The following COL21A1 variants were observed in gnomAD, a reference collection of about 807,000 sequenced individuals.
The protein encoded by COL21A1 is collagen type XXI alpha 1 chain.
Under a neutral mutation model 137.9 loss-of-function variants are expected in COL21A1, and 149 were observed. That is an observed-to-expected ratio of 1.08 (90% CI 0.95 to 1.24). The LOEUF (loss-of-function observed/expected upper bound fraction) is 1.24. Among genes scored for constraint, COL21A1 ranks in the 50% most tolerant of loss-of-function variants. The pLI, the probability that COL21A1 is intolerant of heterozygous loss-of-function variation, is 0.00. For synonymous variants in COL21A1, 456 were observed against 391.5 expected (o/e 1.16, Z -1.95); for missense variants, 1,167 against 1,158.4 (o/e 1.01, Z -0.11).
chr6:56,164,792 G>T (rs766116774), intron 8 of COL21A1, 22 bp downstream of exon 8: 11 of 1,559,284 alleles, frequency 7.1e-6, no homozygotes, highest in East Asian at 2.3e-5. Flanking sequence ...ACCTTAAGGG[G>T]AACAATAGTA....
rs111631199 is a variant in COL21A1, at chr6:56,352,783, T to C, written c.-39+41188A>G. Among the ~76,000 whole-genome samples, 1,321 of 152,258 alleles carry C rather than the reference T, an allele frequency of 8.7e-3. 20 individuals are homozygous for C. The highest frequency in any genetic ancestry group is 0.03 in the African/African-American group (1,259 of 41,540). On this transcript the variant is annotated intron_variant, in intron 1 of 28. Coordinates refer to the COL21A1 transcript ENST00000370819. The stretch of plus-strand genomic sequence containing the variant: ...GGCCAGGTGCAGTGGTTCACACCTG[T>C]AATCCCAGCACTTTGGGAGGCCAAG...
intron 1 of COL21A1, chr6:56,276,622 T>A (rs1763662588): frequency 7.0e-7 from 1 of 1,437,670 alleles, no homozygotes; most frequent in South Asian, 1.1e-5. Flanking sequence ...GAAGTTTATA[T>A]TTCTCAAAAT....
At chr6:56,260,896 C>CGTGTGTGTG (rs1763257849) in intron 1 of COL21A1, among the ~76,000 whole-genome samples, 1 of 38,178 alleles carries the variant, frequency 2.6e-5, no homozygotes, top group African/African-American at 1.5e-4. Flanking sequence ...GTGTGTGTAC[C>CGTGTGTGTG]TTTTATAGCT....
At chr6:56,101,569 G>GCAAAAT in intron 16 of COL21A1, 44 bp from the exon 17 acceptor site, 1 of 1,392,532 alleles carries the variant, frequency 7.2e-7, no homozygotes, top group Non-Finnish European at 1.0e-6. Flanking sequence ...TCAGTTTTGA[G>GCAAAAT]GTCTGCTTAC....
intron 10 of COL21A1, among the ~76,000 whole-genome samples, chr6:56,150,513 A>ATC (rs200658532): frequency 0.31 from 31,858 of 101,640 alleles, 5,106 homozygotes; most frequent in African/African-American, 0.48. Flanking sequence ...GCGAGACTCC[A>ATC]TCACACACAC....
At chr6:56,314,212 T>G (rs1764677336) in intron 1 of COL21A1, among the ~76,000 whole-genome samples, 1 of 152,190 alleles carries the variant, frequency 6.6e-6, no homozygotes, top group Non-Finnish European at 1.5e-5. Flanking sequence ...CTCCATCTCC[T>G]GAGCTTGTGA....
chr6:56,362,011 G>A (rs1431561261), intron 1 of COL21A1, among the ~76,000 whole-genome samples: 2 of 152,126 alleles, frequency 1.3e-5, no homozygotes, highest in Non-Finnish European at 2.9e-5. Flanking sequence ...AAGAGGATAT[G>A]AATCAGGTCT....
intron 1 of COL21A1, among the ~76,000 whole-genome samples, chr6:56,284,616 A>G (rs140202120): frequency 1.1e-4 from 17 of 152,028 alleles, no homozygotes; most frequent in Non-Finnish European, 2.5e-4. Context: ...CACGCCCTCC[A>G]CCCATGCCAG....
chr6:56,127,536 GC>G (rs1369652173), intron 12 of COL21A1, among the ~76,000 whole-genome samples: 2 of 152,054 alleles, frequency 1.3e-5, no homozygotes, highest in East Asian at 3.9e-4. Flanking sequence ...ATATCCAATG[GC>G]TTCCTGAGAA....
intron 1 of COL21A1, among the ~76,000 whole-genome samples, chr6:56,241,537 A>G (rs1014547594): frequency 6.6e-5 from 10 of 152,210 alleles, no homozygotes; most frequent in African/African-American, 2.4e-4. Context: ...AGGGAGAAAA[A>G]AAGTAAAAGA....
intron 1 of COL21A1, among the ~76,000 whole-genome samples, chr6:56,331,226 T>C (rs942804769): frequency 6.6e-6 from 1 of 151,984 alleles, no homozygotes; most frequent in African/African-American, 2.4e-5. Flanking sequence ...AGTTTGTCAA[T>C]ATTTTCTTCC....
chr6:56,057,961 CACTAATTAT>C, intron 29 of COL21A1, 117 bp from the exon 30 acceptor site: 1 of 687,476 alleles, frequency 1.5e-6, no homozygotes, highest in Non-Finnish European at 2.3e-6. Context: ...TATATATTTG[CACTAATTAT>C]ATAGTAGAGG....
At chr6:56,186,467 T>C (rs1399368390) in intron 1 of COL21A1, among the ~76,000 whole-genome samples, 2 of 152,180 alleles carry the variant, frequency 1.3e-5, no homozygotes, top group African/African-American at 4.8e-5. Flanking sequence ...TCTCATACCA[T>C]TTCTATTCAA....
At chr6:56,302,729 T>C (rs991158997) in intron 1 of COL21A1, among the ~76,000 whole-genome samples, 4,127 of 151,188 alleles carry the variant, frequency 0.027, 180 homozygotes, top group African/African-American at 0.093. Context: ...AGCTCTTTAG[T>C]TTAATTAGAT....
chr6:56,390,960 G>T (rs2094028442), intron 1 of COL21A1, among the ~76,000 whole-genome samples: 1 of 152,068 alleles, frequency 6.6e-6, no homozygotes. Flanking sequence ...CTGCACTATG[G>T]ACCAAATGGA....
At chr6:56,276,818 T>TGG (rs1562036266) in intron 1 of COL21A1, 43 of 814,048 alleles carry the variant, frequency 5.3e-5, no homozygotes, top group Admixed American at 1.3e-4. Flanking sequence ...TTTTTTTTGT[T>TGG]TTTTTTTTGA....
chr6:56,286,693 A>G (rs1763921611), intron 1 of COL21A1, among the ~76,000 whole-genome samples: 1 of 77,564 alleles, frequency 1.3e-5, no homozygotes. Flanking sequence ...TTAACTTAAT[A>G]TCTGTTTTTT....
chr6:56,342,349 T>C (rs909237264), intron 1 of COL21A1, among the ~76,000 whole-genome samples: 3 of 152,132 alleles, frequency 2.0e-5, no homozygotes, highest in African/African-American at 4.8e-5. Context: ...AAACAGACCA[T>C]GTAAGTGATT....
At position 56,347,137 on chromosome 6, in the gene COL21A1, C is replaced by T. The variant is rs1765614129; in HGVS notation, c.-39+46834G>A. ...GCGCTCTGTCGGGCTGCCTTCTGGT[C>T]CATCTACTTAGTCACATTCCTCAGA... is the stretch of plus-strand genomic sequence containing the variant. On this transcript the variant is annotated intron_variant, in intron 1 of 28. Coordinates refer to the COL21A1 transcript ENST00000370819. Among the ~76,000 whole-genome samples, 3 of 152,162 alleles carry T rather than the reference C, an allele frequency of 2.0e-5. No individual in the cohort carries two copies. The South Asian group carries it at 6.2e-4, about 32-fold the overall frequency.
Sources: allele counts gnomAD v4.1 joint callset (sites outside exome capture counted in the v4.1 genomes callset), GRCh38; gene constraint gnomAD v4.1.1; transcripts MANE v1.5; gene names NCBI Gene and HGNC (gene_info 2026-07-23, HGNC 2026-07-21).